The following TBC1D5 variants were observed in gnomAD, a reference collection of about 807,000 sequenced individuals.
TBC1D5 encodes the protein TBC1 domain family, member 5.
Under a neutral mutation model 100.3 loss-of-function variants are expected in TBC1D5, and 75 were observed. That is an observed-to-expected ratio of 0.75 (90% CI 0.62 to 0.91). TBC1D5 has a LOEUF of 0.91. Among genes scored for constraint, TBC1D5 ranks in the 40% least tolerant of loss-of-function variants. TBC1D5 has a pLI of 0.00. For synonymous variants in TBC1D5, 323 were observed against 325.6 expected (o/e 0.99, Z 0.09); for missense variants, 910 against 942.4 (o/e 0.97, Z 0.45).
At chr3:17,578,632 A>T (rs1229465694) in intron 2 of TBC1D5, among the ~76,000 whole-genome samples, 1 of 152,002 alleles carries the variant, frequency 6.6e-6, no homozygotes, top group East Asian at 1.9e-4. Flanking sequence ...ATACTCTTGA[A>T]CTTGAGCTGA....
At position 17,214,308 on chromosome 3, in the gene TBC1D5, A is replaced by T. The variant is rs750035725; in HGVS notation, c.1651T>A (p.Phe551Ile). ...GCAGATGAAGGTGGAGAGCCAGTGA[A>T]TTCTCTTCCTCCAGGCAAACTCTCA... Residue 551 changes from phenylalanine (F) to isoleucine (I), a missense_variant, in exon 18 of 22, where the codon TTC becomes ATC. Phe to Ile is a conservative substitution (Grantham distance 21, BLOSUM62 0). Transcript: ENST00000253692. 7 of 1,613,232 alleles carry T rather than the reference A, an allele frequency of 4.3e-6. No homozygotes were observed. In the Admixed American group the frequency reaches 1.2e-4, roughly 27 times the overall value.
At chr3:17,590,155 T>C (rs752601214) in intron 2 of TBC1D5, among the ~76,000 whole-genome samples, 22 of 152,172 alleles carry the variant, frequency 1.4e-4, no homozygotes, top group Admixed American at 1.3e-4. Context: ...CATGAGGAAG[T>C]ATGCTACACT....
intron 19 of TBC1D5, among the ~76,000 whole-genome samples, chr3:17,181,390 A>G (rs1312079924): frequency 6.6e-6 from 1 of 152,232 alleles, no homozygotes; most frequent in African/African-American, 2.4e-5. Context: ...AAAGAGTTAA[A>G]AGGAAAGATG....
At chr3:17,725,241 A>G (rs6577644) in intron 1 of TBC1D5, among the ~76,000 whole-genome samples, 86,881 of 151,982 alleles carry the variant, frequency 0.57, 25,653 homozygotes, top group East Asian at 0.99. Flanking sequence ...TGTATTCTGA[A>G]AGGATTTTCA....
At chr3:17,442,214 G>A (rs1272682505) in intron 3 of TBC1D5, among the ~76,000 whole-genome samples, 1 of 152,180 alleles carries the variant, frequency 6.6e-6, no homozygotes, top group Non-Finnish European at 1.5e-5. Context: ...AGTGTGGAAA[G>A]AAATCTCTTT....
intron 3 of TBC1D5, among the ~76,000 whole-genome samples, chr3:17,463,943 C>CTTTTTTTTTTTTTTTTTTTTTTTT (rs1025162858): frequency 1.1e-5 from 1 of 87,512 alleles, no homozygotes; most frequent in African/African-American, 4.7e-5. Flanking sequence ...TTCCTTATTC[C>CTTTTTTTTTTTTTTTTTTTTTTTT]TTTTTTTTTT....
chr3:17,602,373 T>C (rs929817744), intron 2 of TBC1D5, among the ~76,000 whole-genome samples: 2 of 152,092 alleles, frequency 1.3e-5, no homozygotes, highest in East Asian at 1.9e-4. Flanking sequence ...TCCTCTGACT[T>C]ATCTTCACTC....
intron 3 of TBC1D5, among the ~76,000 whole-genome samples, chr3:17,466,887 A>AT (rs1254637304): frequency 6.6e-6 from 1 of 152,140 alleles, no homozygotes; most frequent in African/African-American, 2.4e-5. Context: ...CTTTATCACA[A>AT]TTAAATTTAA....
chr3:17,403,584 G>A (rs569638877), intron 7 of TBC1D5, among the ~76,000 whole-genome samples: 1 of 151,966 alleles, frequency 6.6e-6, no homozygotes, highest in Admixed American at 6.6e-5. Flanking sequence ...ATACAAATCA[G>A]AAAAACAGCA....
chr3:17,696,362 T>C (rs2072077440), intron 1 of TBC1D5, among the ~76,000 whole-genome samples: 1 of 151,590 alleles, frequency 6.6e-6, no homozygotes, highest in African/African-American at 2.4e-5. Context: ...GCAAGACTAA[T>C]AAAGAAGAAA....
chr3:17,520,787 T>C (rs1466006022), intron 2 of TBC1D5, among the ~76,000 whole-genome samples: 1 of 152,200 alleles, frequency 6.6e-6, no homozygotes, highest in Non-Finnish European at 1.5e-5. Context: ...AAAGTATTCA[T>C]TATTTATTGA....
At chr3:17,422,179 T>C (rs1575826425) in intron 4 of TBC1D5, among the ~76,000 whole-genome samples, 1 of 152,060 alleles carries the variant, frequency 6.6e-6, no homozygotes, top group South Asian at 2.1e-4. Flanking sequence ...TTTTTTTGTT[T>C]TGTTGTTTTG....
At chr3:17,610,388 T>C (rs1383961745) in intron 2 of TBC1D5, among the ~76,000 whole-genome samples, 1 of 152,170 alleles carries the variant, frequency 6.6e-6, no homozygotes, top group Non-Finnish European at 1.5e-5. Context: ...GGTTTCACCA[T>C]GCTGACCAGG....
chr3:17,256,156 G>A (rs945904902), intron 16 of TBC1D5, among the ~76,000 whole-genome samples: 3 of 152,126 alleles, frequency 2.0e-5, no homozygotes, highest in Middle Eastern at 3.4e-3. Flanking sequence ...TTGTTTCAGT[G>A]CACTTTGGAA....
chr3:17,713,219 AATT>A (rs2074914887), intron 1 of TBC1D5, among the ~76,000 whole-genome samples: 1 of 151,932 alleles, frequency 6.6e-6, no homozygotes, highest in Non-Finnish European at 1.5e-5. Flanking sequence ...CAAAATTTTA[AATT>A]ATTGTGTTTT....
In TBC1D5 at chr3:17,597,830, G is replaced by C. The variant is rs117201847; in HGVS notation, c.-36+26019C>G. On this transcript the variant is annotated intron_variant, in intron 2 of 21. Coordinates refer to ENST00000253692, the Ensembl canonical transcript of TBC1D5. Reference sequence around the variant, plus strand: ...CCATGCAGAACAAAAACTAATGCATGTATAATGTAAAACGAGAATTTTTTT... The same window carrying C: ...CCATGCAGAACAAAAACTAATGCATCTATAATGTAAAACGAGAATTTTTTT... Among the ~76,000 whole-genome samples, 192 of 152,240 alleles carry C rather than the reference G, an allele frequency of 1.3e-3. 2 individuals carry two copies. The East Asian group carries it at 0.018, about 14-fold the overall frequency.
chr3:17,602,628 A>C (rs1487150938), intron 2 of TBC1D5, among the ~76,000 whole-genome samples: 1 of 119,834 alleles, frequency 8.3e-6, no homozygotes, highest in Non-Finnish European at 1.6e-5. Flanking sequence ...GCTGGAGTGC[A>C]GTGGCGCAAT....
At chr3:17,183,094 C>T (rs2068628930) in intron 19 of TBC1D5, among the ~76,000 whole-genome samples, 1 of 152,102 alleles carries the variant, frequency 6.6e-6, no homozygotes, top group Admixed American at 6.5e-5. Context: ...TCCAGTATGC[C>T]TGAGATGAAA....
chr3:17,296,046 A>G (rs1415704664), intron 14 of TBC1D5, among the ~76,000 whole-genome samples: 1 of 152,216 alleles, frequency 6.6e-6, no homozygotes, highest in East Asian at 1.9e-4. Context: ...ACTTTCCTAC[A>G]TTCTTAGCAA....
Sources: gnomAD v4.1 joint callset for allele counts (sites outside exome capture counted in the v4.1 genomes callset) on GRCh38, gnomAD v4.1.1 for gene constraint, MANE v1.5 for transcripts, NCBI Gene and HGNC (gene_info 2026-07-23, HGNC 2026-07-21) for gene names.